The following PDE8A variants were observed in gnomAD, a reference collection of about 807,000 sequenced individuals.
The protein encoded by PDE8A is high affinity cAMP-specific and IBMX-insensitive 3',5'-cyclic phosphodiesterase 8A.
In PDE8A, 59 loss-of-function variants were observed where a neutral mutation model predicts 105.0. The ratio of observed to expected loss-of-function variants is 0.56; its 90% CI spans 0.46 to 0.70. PDE8A has a LOEUF of 0.70. PDE8A is among the 30% of genes least tolerant of loss of function. The probability of loss-of-function intolerance (pLI) is 0.00; values close to 1 mark genes in which losing one functional copy is unlikely to be tolerated. For missense variants in PDE8A, 1,014 were observed against 1,045.9 expected (o/e 0.97, Z 0.42); for synonymous variants, 355 against 371.9 (o/e 0.95, Z 0.52).
rs915247172 is a variant in PDE8A, at chr15:85,054,279, C to CT, written c.187-10083dup. On this transcript the variant is annotated intron_variant, in intron 1 of 21. Transcript: ENST00000394553. ...ATCAGGGATATTGGTCTAAAATTCTCTTTTTTTTGTTGTGTCTCTGCCAGG... is the reference window on the plus strand; with the variant it reads ...ATCAGGGATATTGGTCTAAAATTCTCTTTTTTTTTGTTGTGTCTCTGCCAGG... Among the ~76,000 whole-genome samples the CT allele has an allele frequency of 2.7e-4, 41 of 152,018 alleles. No homozygotes were observed. The East Asian group carries it at 2.7e-3, about 10-fold the overall frequency.
chr15:85,091,208 A>C, intron 8 of PDE8A, 27 bp downstream of exon 8: 1 of 1,567,996 alleles, frequency 6.4e-7, no homozygotes, highest in Non-Finnish European at 8.7e-7. Flanking sequence ...TGCCTTTTTT[A>C]ACTTTCACAA....
chr15:85,112,813 A>C (rs2082039317), intron 12 of PDE8A, among the ~76,000 whole-genome samples: 1 of 152,240 alleles, frequency 6.6e-6, no homozygotes, highest in African/African-American at 2.4e-5. Flanking sequence ...CAGGAACAAC[A>C]GAAATTAACA....
intron 19 of PDE8A, among the ~76,000 whole-genome samples, chr15:85,124,199 G>C (rs1450440219): frequency 6.6e-6 from 1 of 152,178 alleles, no homozygotes; most frequent in African/African-American, 2.4e-5. Context: ...GGAGTCTCCA[G>C]CTGAGGAAGC....
intron 1 of PDE8A, among the ~76,000 whole-genome samples, chr15:84,989,999 T>C (rs1199923348): frequency 6.6e-6 from 1 of 152,154 alleles, no homozygotes; most frequent in East Asian, 1.9e-4. Flanking sequence ...CAAAGTAAGT[T>C]CCACACATCA....
intron 11 of PDE8A, among the ~76,000 whole-genome samples, chr15:85,102,696 A>C (rs2081883767): frequency 6.6e-6 from 1 of 151,834 alleles, no homozygotes. Context: ...AAAATTAGCC[A>C]GGCGTCGTGG....
intron 3 of PDE8A, among the ~76,000 whole-genome samples, chr15:85,071,597 A>G (rs1449368403): frequency 1.3e-5 from 2 of 152,248 alleles, no homozygotes; most frequent in African/African-American, 4.8e-5. Flanking sequence ...CCCGCTCTGC[A>G]GCAGACCTGT....
At chr15:85,065,120 AGT>A (rs903721145) in intron 2 of PDE8A, among the ~76,000 whole-genome samples, 43 of 152,294 alleles carry the variant, frequency 2.8e-4, no homozygotes, top group African/African-American at 1.0e-3. Context: ...GGGCATGTTT[AGT>A]GTTCATTTTC....
chr15:85,017,276 AT>A (rs1256861305), intron 1 of PDE8A, among the ~76,000 whole-genome samples: 13 of 146,972 alleles, frequency 8.8e-5, no homozygotes, highest in East Asian at 5.9e-4. Context: ...AAAAAAAAAA[AT>A]AAATAAATGA....
intron 8 of PDE8A, among the ~76,000 whole-genome samples, chr15:85,093,050 G>A (rs957761811): frequency 7.2e-5 from 11 of 151,852 alleles, no homozygotes; most frequent in African/African-American, 2.4e-4. Context: ...CTGGGACCAC[G>A]GGCACATGCC....
chr15:84,996,188 AT>A (rs112833142), intron 1 of PDE8A, among the ~76,000 whole-genome samples: 30,824 of 151,266 alleles, frequency 0.2, 7,196 homozygotes, highest in African/African-American at 0.58. Flanking sequence ...ATTTTTTTTA[AT>A]TTAATTATTT....
chr15:85,126,318 C>A lies in PDE8A; in HGVS notation c.2197C>A (p.Pro733Thr). ...KCADVSNPCR[P>T]LQYCIEWAAR... ...TGCTGATGTGTCCAATCCCTGCCGA[C>A]CCCTGCAGTACTGCATCGAGTGGGC... is the stretch of plus-strand genomic sequence containing the variant. Residue 733 changes from proline to threonine, a missense_variant, in exon 20 of 22, where the codon CCC (proline) becomes ACC (threonine). Coordinates refer to ENST00000394553, the MANE Select transcript of PDE8A (RefSeq NM_002605.3). 6.2e-7 allele frequency: 1 copy of A among 1,612,982 alleles called. No individual in the cohort carries two copies. The highest frequency in any genetic ancestry group is 8.5e-7 in the Non-Finnish European group (1 of 1,179,538).
chr15:85,070,225 G>T (rs1439393726), intron 3 of PDE8A, among the ~76,000 whole-genome samples: 1 of 152,146 alleles, frequency 6.6e-6, no homozygotes, highest in Non-Finnish European at 1.5e-5. Context: ...GTATCTCTCT[G>T]TTGGGGGCAT....
At chr15:85,132,987 T>A (rs867575030) in intron 20 of PDE8A, among the ~76,000 whole-genome samples, 1 of 152,208 alleles carries the variant, frequency 6.6e-6, no homozygotes, top group Non-Finnish European at 1.5e-5. Flanking sequence ...TTGTATGCCT[T>A]GTGATTTTTG....
chr15:85,022,768 G>A (rs1471380463), intron 1 of PDE8A, among the ~76,000 whole-genome samples: 3 of 151,952 alleles, frequency 2.0e-5, no homozygotes, highest in African/African-American at 7.3e-5. Flanking sequence ...GGCCAGGCTA[G>A]TTTCGAACTC....
intron 20 of PDE8A, among the ~76,000 whole-genome samples, chr15:85,129,459 G>C (rs1177490025): frequency 1.3e-5 from 2 of 152,106 alleles, no homozygotes; most frequent in African/African-American, 4.8e-5. Flanking sequence ...ATTCAGTCCT[G>C]GTAGGTTGCA....
chr15:85,123,895 T>C (rs1394372365), intron 19 of PDE8A, among the ~76,000 whole-genome samples: 1 of 152,216 alleles, frequency 6.6e-6, no homozygotes, highest in African/African-American at 2.4e-5. Flanking sequence ...TTAGATAAGC[T>C]AACTTTAGAC....
chr15:85,102,037 G>A (rs1323500672), intron 11 of PDE8A, among the ~76,000 whole-genome samples: 1 of 152,170 alleles, frequency 6.6e-6, no homozygotes, highest in East Asian at 1.9e-4. Flanking sequence ...GGCCAGCCAA[G>A]CATTAGCAAG....
At chr15:85,077,895 A>G (rs2081402511) in intron 5 of PDE8A, among the ~76,000 whole-genome samples, 1 of 152,142 alleles carries the variant, frequency 6.6e-6, no homozygotes, top group South Asian at 2.1e-4. Flanking sequence ...AGTCACATGT[A>G]GCACAGAAAT....
chr15:85,134,135 C>T (rs769988470), intron 20 of PDE8A, among the ~76,000 whole-genome samples: 17 of 152,296 alleles, frequency 1.1e-4, no homozygotes, highest in South Asian at 2.1e-4. Flanking sequence ...TCACATTGGG[C>T]CAAAGAGAAG....
Sources: allele counts gnomAD v4.1 joint callset (sites outside exome capture counted in the v4.1 genomes callset), GRCh38; gene constraint gnomAD v4.1.1; transcripts MANE v1.5; gene names NCBI Gene and HGNC (gene_info 2026-07-23, HGNC 2026-07-21).